QTMAN: variants seen among roughly 807,000 people sequenced by gnomAD.
QTMAN encodes the protein queuosine-tRNA mannosyltransferase, also known as tRNA-queuosine alpha-mannosyltransferase.
chr2:143,947,022 G>A, the QTMAN span: 1 of 1,481,620 alleles, frequency 6.7e-7, no homozygotes, highest in Non-Finnish European at 9.4e-7. Context: ...TTCTGCCTTA[G>A]GCTGCAAGTT....
the QTMAN span, among the ~76,000 whole-genome samples, chr2:143,988,869 G>A: frequency 6.6e-6 from 1 of 152,190 alleles, no homozygotes; most frequent in African/African-American, 2.4e-5. Flanking sequence ...TGGTACTATA[G>A]TTGAAATTCA....
chr2:144,075,583 T>C, the QTMAN span, among the ~76,000 whole-genome samples: 4 of 152,166 alleles, frequency 2.6e-5, no homozygotes, highest in Non-Finnish European at 5.9e-5. Flanking sequence ...AAAGAAGTAG[T>C]GATAGGACTC....
chr2:143,995,330 G>T, the QTMAN span, among the ~76,000 whole-genome samples: 1 of 151,934 alleles, frequency 6.6e-6, no homozygotes, highest in African/African-American at 2.4e-5. Flanking sequence ...TTTTTTTCTA[G>T]GAGAGTTAAG....
At chr2:144,291,307 C>T in the QTMAN span, among the ~76,000 whole-genome samples, 2 of 152,148 alleles carry the variant, frequency 1.3e-5, no homozygotes, top group Non-Finnish European at 1.5e-5. Context: ...GAAGGGGATA[C>T]AGTTCAACCC....
the QTMAN span, among the ~76,000 whole-genome samples, chr2:144,228,576 TGG>T: frequency 3.9e-5 from 6 of 151,956 alleles, no homozygotes; most frequent in Admixed American, 6.6e-5. Context: ...AGAAGGAGAA[TGG>T]GGGGAGAGAA....
the QTMAN span, among the ~76,000 whole-genome samples, chr2:143,974,812 T>C: frequency 1.3e-5 from 2 of 152,184 alleles, no homozygotes; most frequent in African/African-American, 2.4e-5. Context: ...TACCATAAAA[T>C]TACTAGATTT....
chr2:144,020,064 G>A, the QTMAN span, among the ~76,000 whole-genome samples: 11 of 152,244 alleles, frequency 7.2e-5, no homozygotes, highest in South Asian at 6.2e-4. Context: ...AGGAAAACTC[G>A]TAACATGAAA....
the QTMAN span, among the ~76,000 whole-genome samples, chr2:144,157,283 C>T: frequency 2.6e-5 from 4 of 151,918 alleles, no homozygotes; most frequent in Non-Finnish European, 5.9e-5. Context: ...TAATGATATC[C>T]GAATTTTCTA....
At chr2:144,307,188 T>TAAAAAAAAAAAAAAA in the QTMAN span, among the ~76,000 whole-genome samples, 4 of 81,270 alleles carry the variant, frequency 4.9e-5, no homozygotes, top group South Asian at 3.8e-4. Context: ...AAAAAACAAT[T>TAAAAAAAAAAAAAAA]AAAAAAAAAA....
chr2:144,224,943 A>C, the QTMAN span, among the ~76,000 whole-genome samples: 1 of 152,190 alleles, frequency 6.6e-6, no homozygotes, highest in Non-Finnish European at 1.5e-5. Context: ...TCAAAGAGGG[A>C]CCAATAGCAA....
At chr2:143,940,053 T>C in the QTMAN span, 7 of 152,186 alleles carry the variant, frequency 4.6e-5, no homozygotes, top group Non-Finnish European at 8.8e-5. Context: ...TTTGTACAAT[T>C]TTTATGCATC....
the QTMAN span, among the ~76,000 whole-genome samples, chr2:144,186,766 A>C: frequency 6.6e-6 from 1 of 152,162 alleles, no homozygotes; most frequent in African/African-American, 2.4e-5. Context: ...GATTTTCTTC[A>C]GTGTCCTCTA....
the QTMAN span, among the ~76,000 whole-genome samples, chr2:143,994,097 A>T: frequency 6.6e-6 from 1 of 152,202 alleles, no homozygotes. Context: ...ATTAAGATTG[A>T]CTTTTTATGC....
At chr2:144,086,422 T>C in the QTMAN span, among the ~76,000 whole-genome samples, 1 of 152,200 alleles carries the variant, frequency 6.6e-6, no homozygotes, top group African/African-American at 2.4e-5. Context: ...ATTACAAGTG[T>C]GAGACACCAT....
the QTMAN span, among the ~76,000 whole-genome samples, chr2:144,154,236 G>A: frequency 6.6e-6 from 1 of 152,174 alleles, no homozygotes; most frequent in Non-Finnish European, 1.5e-5. Flanking sequence ...AAATTGTGGA[G>A]AGGTAATGAC....
chr2:144,202,898 GC>G, the QTMAN span, among the ~76,000 whole-genome samples: 1 of 152,150 alleles, frequency 6.6e-6, no homozygotes, highest in Admixed American at 6.6e-5. Context: ...TTGCACTGAA[GC>G]GCTTAACTCC....
chr2:144,146,650 G>A, the QTMAN span, among the ~76,000 whole-genome samples: 10 of 151,706 alleles, frequency 6.6e-5, no homozygotes, highest in African/African-American at 2.4e-4. Flanking sequence ...TAATTGTCTG[G>A]GACAACCTGG....
At chr2:144,116,529 A>G in the QTMAN span, among the ~76,000 whole-genome samples, 1 of 152,204 alleles carries the variant, frequency 6.6e-6, no homozygotes, top group African/African-American at 2.4e-5. Context: ...TTACAAAAAT[A>G]GAACTCCCGT....
chr2:144,200,919 G>A, the QTMAN span, among the ~76,000 whole-genome samples: 1 of 152,156 alleles, frequency 6.6e-6, no homozygotes, highest in Non-Finnish European at 1.5e-5. Flanking sequence ...CAGGAAAAAA[G>A]TAAGTAAATT....
Sources: gnomAD v4.1 joint callset for allele counts (sites outside exome capture counted in the v4.1 genomes callset) on GRCh38, gnomAD v4.1.1 for gene constraint, MANE v1.5 for transcripts, NCBI Gene and HGNC (gene_info 2026-07-23, HGNC 2026-07-21) for gene names.